Variants in LYZL2 observed in about 807,000 individuals in gnomAD.
LYZL2 encodes the protein lysozyme like 2.
A neutral mutation model predicts 17.1 loss-of-function variants in LYZL2; 13 were observed. The observed-to-expected ratio is 0.76, with a 90% confidence interval of 0.49 to 1.21. LYZL2 has a LOEUF of 1.21. LYZL2 is among the 50% of genes most tolerant of loss of function. The probability of loss-of-function intolerance (pLI) is 0.00; values close to 1 mark genes in which losing one functional copy is unlikely to be tolerated. For synonymous variants in LYZL2, 63 were observed against 74.4 expected, an observed-to-expected ratio of 0.85 and a Z score of 0.79; for missense variants, 166 against 189.2, an observed-to-expected ratio of 0.88 and a Z score of 0.72.
intron 3 of LYZL2, 59 bp from the exon 4 acceptor site, chr10:30,612,959 A>G (rs368530409): frequency 3.1e-6 from 4 of 1,271,614 alleles, no homozygotes; most frequent in African/African-American, 2.9e-5. Context: ...AGGGACCCCA[A>G]CTCAAGTTTA....
rs773371500 is a variant in LYZL2 at position 30,626,072 on chromosome 10, G to A, written c.298+33C>T. The A allele has an allele frequency of 1.3e-5, 21 of 1,602,270 alleles. No homozygotes were observed. The East Asian group carries it at 4.7e-4, about 36-fold the overall frequency. ...ATTGTCGGCTTTCTCACCTGGTCCTGAGGATGGCATCACTGGAAAGTCAGA... is the reference window on the plus strand; with the variant it reads ...ATTGTCGGCTTTCTCACCTGGTCCTAAGGATGGCATCACTGGAAAGTCAGA... On this transcript the variant is annotated intron_variant, in intron 3 of 4. Transcript: ENST00000647634.
At position 30,612,052 on chromosome 10, in the gene LYZL2, C is replaced by T. The variant is rs560557549; in HGVS notation, c.378-28G>A. The T allele has an allele frequency of 7.8e-5, 126 of 1,611,000 alleles. No homozygotes were observed. In the South Asian group the frequency reaches 1.3e-3, roughly 17 times the overall value. ...GAGGACGAGAGGGAAGCAAGAGCAG[C>T]AGAAAGAAGCGTGACAATCCAAACC... On this transcript the variant is annotated intron_variant, in intron 4 of 4. Transcript: ENST00000647634.
intron 2 of LYZL2, among the ~76,000 whole-genome samples, chr10:30,626,567 A>C (rs2132951427): frequency 6.6e-6 from 1 of 152,254 alleles, no homozygotes; most frequent in South Asian, 2.1e-4. Context: ...TAGTGTCATA[A>C]GGACAGGACT....
chr10:30,607,135 C>T (rs889138705), downstream of LYZL2, among the ~76,000 whole-genome samples: 5 of 17,852 alleles, frequency 2.8e-4, no homozygotes, highest in South Asian at 1.0e-3. Flanking sequence ...TGGTCTCAAA[C>T]TCCTGATCTC....
chr10:30,616,671 A>C (rs1374503018), intron 3 of LYZL2, among the ~76,000 whole-genome samples: 1 of 152,194 alleles, frequency 6.6e-6, no homozygotes, highest in Non-Finnish European at 1.5e-5. Flanking sequence ...CAAAATCTCC[A>C]TCAGTCCTCA....
chr10:30,621,192 G>GA (rs111294969), intron 3 of LYZL2, among the ~76,000 whole-genome samples: 14 of 151,596 alleles, frequency 9.2e-5, no homozygotes, highest in Non-Finnish European at 1.9e-4. Flanking sequence ...AACAACTAGA[G>GA]AAAAAAAACA....
chr10:30,619,839 T>TA (rs955725421), intron 3 of LYZL2, among the ~76,000 whole-genome samples: 63 of 151,148 alleles, frequency 4.2e-4, no homozygotes, highest in Non-Finnish European at 6.2e-4. Flanking sequence ...ATAAAAAAAT[T>TA]AAAAAAAAGA....
chr10:30,614,747 A>G (rs1423113276), intron 3 of LYZL2, among the ~76,000 whole-genome samples: 3 of 152,164 alleles, frequency 2.0e-5, no homozygotes, highest in African/African-American at 7.2e-5. Context: ...TCAATGTCTC[A>G]GGAAACCAAC....
chr10:30,618,482 A>G (rs1348897867), intron 3 of LYZL2, among the ~76,000 whole-genome samples: 1 of 152,246 alleles, frequency 6.6e-6, no homozygotes, highest in Non-Finnish European at 1.5e-5. Flanking sequence ...ACAGAGATAT[A>G]GATCAATGGA....
chr10:30,616,628 C>T (rs1207366056), intron 3 of LYZL2, among the ~76,000 whole-genome samples: 1 of 152,202 alleles, frequency 6.6e-6, no homozygotes, highest in Non-Finnish European at 1.5e-5. Context: ...TGAAATCTTA[C>T]TCTATGTCAG....
At chr10:30,606,557 C>T in the LYZL2 span, among the ~76,000 whole-genome samples, 1 of 152,004 alleles carries the variant, frequency 6.6e-6, no homozygotes, top group Non-Finnish European at 1.5e-5. Context: ...CTGGTTTGTG[C>T]CATGTGCTTC....
chr10:30,626,592 A>C (rs936984833), intron 2 of LYZL2, among the ~76,000 whole-genome samples, 185 bp downstream of exon 2: 5 of 152,118 alleles, frequency 3.3e-5, no homozygotes, highest in African/African-American at 1.2e-4. Context: ...GAATAAGGAA[A>C]TGAGGGGCAG....
intron 3 of LYZL2, among the ~76,000 whole-genome samples, chr10:30,614,125 A>C (rs908623485): frequency 6.6e-6 from 1 of 152,214 alleles, no homozygotes; most frequent in African/African-American, 2.4e-5. Flanking sequence ...CTCAACACAA[A>C]CATGACAGAA....
At chr10:30,628,134 T>C (rs1429404145) in intron 1 of LYZL2, among the ~76,000 whole-genome samples, 2 of 151,804 alleles carry the variant, frequency 1.3e-5, no homozygotes, top group Admixed American at 6.6e-5. Flanking sequence ...CACTCCAGCC[T>C]GGGCGACAGA....
At chr10:30,617,568 C>T (rs189091992) in intron 3 of LYZL2, among the ~76,000 whole-genome samples, 1,911 of 146,114 alleles carry the variant, frequency 0.013, 49 homozygotes, top group African/African-American at 0.044. Context: ...CCAGCTACTC[C>T]AGAGGCTGAG....
chr10:30,625,958 A>G (rs1588678548), intron 3 of LYZL2, 147 bp downstream of exon 3: 1 of 1,260,896 alleles, frequency 7.9e-7, no homozygotes, highest in East Asian at 2.4e-5. Flanking sequence ...CACCTTGGAA[A>G]CTGTTGCATA....
At chr10:30,623,315 T>C (rs1373276876) in intron 3 of LYZL2, among the ~76,000 whole-genome samples, 2 of 152,156 alleles carry the variant, frequency 1.3e-5, no homozygotes, top group Non-Finnish European at 2.9e-5. Flanking sequence ...TTTTTCCAAA[T>C]GCACATTCAC....
chr10:30,628,776 G>C (rs751382124), intron 1 of LYZL2, among the ~76,000 whole-genome samples: 29 of 152,188 alleles, frequency 1.9e-4, no homozygotes, highest in Non-Finnish European at 4.4e-5. Flanking sequence ...TAACAAGCAG[G>C]GCTTTAAGGT....
chr10:30,609,051 G>C (rs575433582), downstream of LYZL2, among the ~76,000 whole-genome samples: 1 of 152,276 alleles, frequency 6.6e-6, no homozygotes, highest in South Asian at 2.1e-4. Context: ...TGCTGCCCAG[G>C]CTGGTCTCCA....
Sources: allele counts gnomAD v4.1 joint callset (sites outside exome capture counted in the v4.1 genomes callset), GRCh38; gene constraint gnomAD v4.1.1; transcripts MANE v1.5; gene names NCBI Gene and HGNC (gene_info 2026-07-23, HGNC 2026-07-21).